RERE: variants seen among roughly 807,000 people sequenced by gnomAD.
The protein encoded by RERE is arginine-glutamic acid dipeptide repeats.
RERE carries 40 observed loss-of-function variants against 146.1 expected under a neutral mutation model. The ratio of observed to expected loss-of-function variants is 0.27; its 90% CI spans 0.21 to 0.36. RERE has a LOEUF of 0.36. Among genes scored for constraint, RERE ranks in the 10% least tolerant of loss-of-function variants. RERE has a pLI of 1.00. For synonymous variants in RERE, 1,003 were observed against 866.0 expected, an observed-to-expected ratio of 1.16 and a Z score of -2.78; for missense variants, 1,933 against 2,138.7, an observed-to-expected ratio of 0.90 and a Z score of 1.90.
At chr1:8,536,793 T>A (rs1645732532) in intron 7 of RERE, among the ~76,000 whole-genome samples, 1 of 152,164 alleles carries the variant, frequency 6.6e-6, no homozygotes, top group Non-Finnish European at 1.5e-5. Flanking sequence ...CCCAATTACC[T>A]CAGGGTTCAA....
At position 8,500,386 on chromosome 1, in the gene RERE, T is replaced by C. The variant is rs562439249; in HGVS notation, c.880-2857A>G. 5.3e-5 allele frequency among the ~76,000 whole-genome samples: 8 copies of C among 152,350 alleles called. No homozygotes were observed. The East Asian group carries it at 1.5e-3, about 29-fold the overall frequency. The stretch of plus-strand genomic sequence containing the variant: ...CGAAAATGCCTCTTAATCATAAGAA[T>C]TGATGAGTTGGAGACGGGGTTTTGC... On this transcript the variant is annotated intron_variant, in intron 8 of 22. Transcript: ENST00000400908.
intron 1 of RERE, among the ~76,000 whole-genome samples, chr1:8,718,353 C>T (rs1639800191): frequency 6.6e-6 from 1 of 152,160 alleles, no homozygotes; most frequent in African/African-American, 2.4e-5. Context: ...TTAGTCCCCA[C>T]CAGCTGAAGC....
intron 1 of RERE, among the ~76,000 whole-genome samples, chr1:8,712,000 G>A (rs550389285): frequency 2.6e-5 from 4 of 152,160 alleles, no homozygotes; most frequent in Non-Finnish European, 5.9e-5. Context: ...AAAATTAAAT[G>A]AGTACCATTT....
chr1:8,358,540 G>T lies in RERE; in HGVS notation c.3995C>A (p.Pro1332Gln). The T allele has an allele frequency of 1.2e-6, 2 of 1,602,686 alleles. No homozygotes were observed. Among genetic ancestry groups the T allele is most frequent in the Non-Finnish European group, 1.7e-6 (2 of 1,175,336 alleles). Reference sequence around the variant, plus strand: ...GGCTGGGTGCAGGGGGTCCAGCTCTGGGGGCTTCACCTCGAAGCCCGGCTT... The same window carrying T: ...GGCTGGGTGCAGGGGGTCCAGCTCTTGGGGCTTCACCTCGAAGCCCGGCTT... Reference protein sequence around the residue: ...RMKPGFEVKPPELDPLHPAAN... With the variant: ...RMKPGFEVKPQELDPLHPAAN... Residue 1332 changes from proline (P) to glutamine (Q), a missense_variant, in exon 20 of 23, where the codon CCA becomes CAA. This residue lies in a region of RERE where 1,255 missense variants were observed against 1,153.8 expected (regional missense o/e 1.09). Coordinates refer to ENST00000400908, the MANE Select transcript of RERE (RefSeq NM_001042681.2).
At position 8,361,232 on chromosome 1, in the gene RERE, G is replaced by A; in HGVS notation, c.2275C>T (p.Pro759Ser). ...PAPSSAPPGT[P>S]QLPTPGPTPS... ...GTGGGCCCTGGCGTGGGCAGCTGAG[G>A]GGTCCCTGGAGGAGCTGAGGAGGGA... The change falls in exon 18 of 23, where the codon CCT becomes TCT. Residue 759 changes from proline (P) to serine (S), a missense_variant. Pro to Ser is a moderately conservative substitution (Grantham distance 74, BLOSUM62 -1). Coordinates refer to ENST00000400908, the MANE Select transcript of RERE (RefSeq NM_001042681.2). The A allele has an allele frequency of 1.3e-6, 2 of 1,544,408 alleles. No homozygotes were observed. The highest frequency in any genetic ancestry group is 1.7e-6 in the Non-Finnish European group (2 of 1,149,148).
At chr1:8,506,480 A>C (rs1194107497) in intron 8 of RERE, among the ~76,000 whole-genome samples, 1 of 152,258 alleles carries the variant, frequency 6.6e-6, no homozygotes, top group Non-Finnish European at 1.5e-5. Context: ...AATGTAAATG[A>C]CACACAATTT....
rs1180492268 is a variant in RERE at position 8,352,902 on chromosome 1, G to A, written c.*2185C>T. The A allele has an allele frequency of 6.6e-6, 1 of 152,596 alleles. No individual in the cohort carries two copies. The highest frequency in any genetic ancestry group is 2.4e-5 in the African/African-American group (1 of 41,452). The allele number at this position is 152,596 out of a possible 1,614,324, so 9.5% of individuals were successfully genotyped here. Reference sequence around the variant, plus strand: ...TTCAAGCACAGACCTCAGAGGACTCGACTCTTCTTTGGAAAAATGGATGCC... The same window carrying A: ...TTCAAGCACAGACCTCAGAGGACTCAACTCTTCTTTGGAAAAATGGATGCC... On this transcript the variant is annotated 3_prime_UTR_variant, in exon 23 of 23. Transcript: ENST00000400908.
At chr1:8,545,635 TAAG>T (rs1645849457) in intron 6 of RERE, among the ~76,000 whole-genome samples, 1 of 150,802 alleles carries the variant, frequency 6.6e-6, no homozygotes, top group Non-Finnish European at 1.5e-5. Flanking sequence ...GATGGAGTCT[TAAG>T]AATAAAAAAT....
At chr1:8,607,195 T>TA (rs1646725081) in intron 4 of RERE, among the ~76,000 whole-genome samples, 3 of 152,016 alleles carry the variant, frequency 2.0e-5, no homozygotes, top group East Asian at 3.9e-4. Context: ...GCCCCGTCTC[T>TA]AAAAAAATTT....
chr1:8,801,287 G>GCC (rs1641587879), intron 1 of RERE, among the ~76,000 whole-genome samples: 1 of 130,084 alleles, frequency 7.7e-6, no homozygotes, highest in African/African-American at 2.8e-5. Context: ...TTTTTTTTTT[G>GCC]AGACGGAGTT....
chr1:8,366,917 A>AAAAAAAAAAACAAAAAAAAAAAAAC (rs1557592045), intron 12 of RERE, among the ~76,000 whole-genome samples: 1 of 3,286 alleles, frequency 3.0e-4, no homozygotes, highest in Non-Finnish European at 8.7e-4. Flanking sequence ...AAAAAAAAAC[A>AAAAAAAAAAACAAAAAAAAAAAAAC]AAAAAAAAAA....
chr1:8,758,387 CTTT>C (rs34187776), intron 1 of RERE, among the ~76,000 whole-genome samples: 15 of 132,050 alleles, frequency 1.1e-4, no homozygotes, highest in Non-Finnish European at 1.3e-4. Flanking sequence ...GGCCCTCAAT[CTTT>C]TTTTTTTTTT....
chr1:8,496,169 A>G (rs1167185117), intron 9 of RERE, among the ~76,000 whole-genome samples: 1 of 150,318 alleles, frequency 6.7e-6, no homozygotes, highest in African/African-American at 2.5e-5. Context: ...AAAAAAAAAA[A>G]GGTGAGAAAC....
intron 6 of RERE, among the ~76,000 whole-genome samples, chr1:8,551,178 A>G (rs530120144): frequency 6.6e-6 from 1 of 152,332 alleles, no homozygotes; most frequent in Admixed American, 6.5e-5. Flanking sequence ...AGAAAGCTGG[A>G]AAACAGTCCT....
intron 11 of RERE, among the ~76,000 whole-genome samples, chr1:8,436,040 G>C (rs1358433870): frequency 2.0e-5 from 3 of 152,212 alleles, no homozygotes; most frequent in African/African-American, 7.2e-5. Flanking sequence ...ACCCAACACG[G>C]CCAGGTGCAC....
rs576389997 is a variant in RERE, at chr1:8,364,718, G to A, written c.1540+28C>T. ...ATGGAAGTGCTTGTGCCCCCGCCCC[G>A]CCCCAGGAGCGTGACGAGGCCACTT... is the stretch of plus-strand genomic sequence containing the variant. On this transcript the variant is annotated intron_variant, in intron 14 of 22. Transcript: ENST00000400908. The surrounding 1 kb of genome is among the most constrained non-coding windows in gnomAD (Gnocchi z 5.1). 3.2e-5 allele frequency: 51 copies of A among 1,569,704 alleles called. No homozygotes were observed. The South Asian group carries it at 4.0e-4, about 12-fold the overall frequency.
chr1:8,416,449 G>A (rs1017546361), intron 12 of RERE, among the ~76,000 whole-genome samples: 1 of 151,954 alleles, frequency 6.6e-6, no homozygotes, highest in African/African-American at 2.4e-5. Context: ...AGCCAGGCGT[G>A]GTGGCGGGCG....
chr1:8,696,318 A>G (rs1639328680), intron 1 of RERE, among the ~76,000 whole-genome samples: 1 of 152,236 alleles, frequency 6.6e-6, no homozygotes, highest in African/African-American at 2.4e-5. Context: ...ACTGATAAAG[A>G]AAATGTGGTA....
intron 11 of RERE, among the ~76,000 whole-genome samples, chr1:8,452,173 C>T (rs1159223629): frequency 6.6e-6 from 1 of 152,192 alleles, no homozygotes; most frequent in Non-Finnish European, 1.5e-5. Context: ...TCCTCTACAG[C>T]ACCCTTCCTG....
Sources: allele counts gnomAD v4.1 joint callset (sites outside exome capture counted in the v4.1 genomes callset), GRCh38; gene constraint gnomAD v4.1.1; regional missense constraint gnomAD v4.1.1; non-coding constraint Gnocchi (gnomAD v3.1); transcripts MANE v1.5; gene names NCBI Gene and HGNC (gene_info 2026-07-23, HGNC 2026-07-21).